The following ZNF248 variants were observed in gnomAD, a reference collection of about 807,000 sequenced individuals.
The protein encoded by ZNF248 is zinc finger protein 248.
Under a neutral mutation model 44.3 loss-of-function variants are expected in ZNF248, and 20 were observed. The observed-to-expected ratio is 0.45, with a 90% CI of 0.32 to 0.66. The LOEUF is 0.66. Ranked by LOEUF, ZNF248 falls within the 30% of genes least tolerant of loss-of-function variation. The pLI is 0.04. For synonymous variants in ZNF248, 224 were observed against 229.0 expected (o/e 0.98, Z 0.20); for missense variants, 654 against 677.0 (o/e 0.97, Z 0.38).
In ZNF248 at chr10:37,831,449, C is replaced by T; in HGVS notation, c.*166G>A. ...ATATTACTTAGATGAATAGAATTCC[C>T]CTCAGTACAAATTTTCTAATGAAAA... On this transcript the variant is annotated 3_prime_UTR_variant, in exon 6 of 6. Transcript: ENST00000395867. 6.8e-7 allele frequency: 1 copy of T among 1,463,782 alleles called. No homozygotes were observed. Among genetic ancestry groups the T allele is most frequent in the Non-Finnish European group, 9.0e-7 (1 of 1,108,872 alleles). 90.7% of individuals were successfully genotyped at this position (1,463,782 alleles called of 1,614,324 possible). A position where few individuals can be genotyped will look rare whatever the true frequency, so the allele number is the denominator to read the frequency against.
chr10:37,789,834 C>G (rs2048295153), intron 6 of ZNF248, among the ~76,000 whole-genome samples: 1 of 152,138 alleles, frequency 6.6e-6, no homozygotes. Context: ...AATATTTGCT[C>G]TGGACTAGAA....
chr10:37,835,972 A>G (rs2057079360), intron 5 of ZNF248, among the ~76,000 whole-genome samples: 1 of 152,200 alleles, frequency 6.6e-6, no homozygotes, highest in South Asian at 2.1e-4. Flanking sequence ...AATCTGTGAT[A>G]ACTCCCTTAT....
chr10:37,782,762 T>G (rs2047458338), intron 6 of ZNF248, among the ~76,000 whole-genome samples: 1 of 152,114 alleles, frequency 6.6e-6, no homozygotes, highest in African/African-American at 2.4e-5. Flanking sequence ...AGCTAAGCAT[T>G]GCCAGCAACA....
At chr10:37,826,231 CA>C (rs1232635539), downstream of ZNF248, among the ~76,000 whole-genome samples, 2 of 151,942 alleles carry the variant, frequency 1.3e-5, no homozygotes, top group Admixed American at 6.6e-5. Context: ...TAATATAAAC[CA>C]AAAGTCCCTG....
At chr10:37,815,683 G>A (rs2052334455) in intron 6 of ZNF248, among the ~76,000 whole-genome samples, 1 of 151,410 alleles carries the variant, frequency 6.6e-6, no homozygotes, top group Non-Finnish European at 1.5e-5. Flanking sequence ...TTGTTTCTTT[G>A]TTCATCTTTT....
At chr10:37,819,839 C>T (rs2053166361) in intron 6 of ZNF248, 6 of 786,544 alleles carry the variant, frequency 7.6e-6, no homozygotes, top group East Asian at 2.4e-5. Context: ...TAACATTTTC[C>T]GTTGTCTATC....
At chr10:37,765,239 G>C in the ZNF248 span, among the ~76,000 whole-genome samples, 15 of 152,260 alleles carry the variant, frequency 9.9e-5, no homozygotes, top group Admixed American at 9.8e-4. Context: ...TTATAGGTGT[G>C]AGCCACTGAG....
intron 6 of ZNF248, chr10:37,791,495 TTC>T (rs1424312496): frequency 6.6e-6 from 1 of 152,204 alleles, no homozygotes; most frequent in African/African-American, 2.4e-5. Flanking sequence ...ATGGGACTTT[TTC>T]TGTTTTTCAT....
downstream of ZNF248, among the ~76,000 whole-genome samples, chr10:37,825,106 A>G (rs141306307): frequency 1.4e-4 from 21 of 152,264 alleles, no homozygotes; most frequent in East Asian, 4.1e-3. Context: ...GTTGTTCATA[A>G]AGTGAAAAAA....
At chr10:37,837,518 A>T in intron 5 of ZNF248, 99 bp downstream of exon 5, 1 of 970,512 alleles carries the variant, frequency 1.0e-6, no homozygotes. Flanking sequence ...GGCTAAAAAG[A>T]GACATTTGTG....
downstream of ZNF248, among the ~76,000 whole-genome samples, chr10:37,823,853 C>T (rs538992214): frequency 3.9e-5 from 6 of 152,032 alleles, no homozygotes; most frequent in East Asian, 9.7e-4. Flanking sequence ...GGATTACAGA[C>T]GTGAGCCACC....
downstream of ZNF248, among the ~76,000 whole-genome samples, chr10:37,774,735 A>G (rs926813447): frequency 1.3e-5 from 2 of 152,130 alleles, no homozygotes; most frequent in African/African-American, 4.8e-5. Context: ...ATTTTCTTAG[A>G]CTTCAGGCCA....
chr10:37,759,245 G>C, the ZNF248 span, among the ~76,000 whole-genome samples: 1 of 152,150 alleles, frequency 6.6e-6, no homozygotes, highest in African/African-American at 2.4e-5. Flanking sequence ...GGTGTTTGGG[G>C]GCAGTCTGAG....
chr10:37,817,882 G>T lies in ZNF248; in HGVS notation c.330+15143C>A, dbSNP rs1043970135. Among the ~76,000 whole-genome samples the T allele has an allele frequency of 2.6e-5, 4 of 151,994 alleles. No individual in the cohort carries two copies. The East Asian group carries it at 7.7e-4, about 29-fold the overall frequency. On this transcript the variant is annotated intron_variant, in intron 6 of 6. Transcript: ENST00000615949. ...AAGTCTAAATATAGACACTGGACTA[G>T]CCTAGTCTGTATTTTCTTTTTTATT... is the stretch of plus-strand genomic sequence containing the variant.
Position 37,832,776 on chromosome 10 carries a change from A to G in ZNF248, c.579T>C (p.Asp193=), listed in dbSNP as rs574822855. ...GATAATTAATGGCATTCCTTTTTTGATCATATTTATAAGACTTCTCTCCAA... is the reference window on the plus strand; with the variant it reads ...GATAATTAATGGCATTCCTTTTTTGGTCATATTTATAAGACTTCTCTCCAA... ...IPIGEKSYKY[D]QKRNAINYHQ... Residue 193 remains aspartate, a synonymous_variant, in exon 6 of 6, where the codon GAT becomes GAC. Transcript: ENST00000395867. The G allele has an allele frequency of 1.9e-6, 3 of 1,613,496 alleles. No homozygotes were observed. Among genetic ancestry groups the G allele is most frequent in the South Asian group, 2.2e-5 (2 of 91,060 alleles).
At position 37,832,885 on chromosome 10, in the gene ZNF248, T is replaced by C. The variant is rs2056202027; in HGVS notation, c.470A>G (p.Lys157Arg). 5 of 1,613,372 alleles carry C rather than the reference T, an allele frequency of 3.1e-6. No individual in the cohort carries two copies. The highest frequency in any genetic ancestry group is 1.3e-5 in the African/African-American group (1 of 74,886). ...AGGCTTCTTTCTGGAACAGTTCTTT[T>C]TACTAATAATTAAGCCCGAAATATT... ...LKNISGLIIS[K>R]KNCSRKKPDE... Residue 157 changes from lysine (K) to arginine (R), a missense_variant, in exon 6 of 6, where the codon AAA becomes AGA. By Grantham distance (26) the Lys-to-Arg change is conservative. Coordinates refer to ENST00000395867, the MANE Select transcript of ZNF248 (RefSeq NM_021045.3).
downstream of ZNF248, among the ~76,000 whole-genome samples, chr10:37,826,884 A>C (rs2054468881): frequency 6.6e-6 from 1 of 152,232 alleles, no homozygotes; most frequent in Non-Finnish European, 1.5e-5. Context: ...ACTCCAGTGT[A>C]TTATAAATTC....
intron 6 of ZNF248, among the ~76,000 whole-genome samples, chr10:37,778,713 A>T (rs560332806): frequency 4.6e-5 from 7 of 152,164 alleles, no homozygotes; most frequent in African/African-American, 1.4e-4. Flanking sequence ...CTTCAAAAAA[A>T]TTAATGAATC....
the ZNF248 span, among the ~76,000 whole-genome samples, chr10:37,763,243 G>T: frequency 3.9e-5 from 6 of 152,222 alleles, no homozygotes; most frequent in South Asian, 2.1e-4. Context: ...GAGATAGCAA[G>T]AAAGAGGGGA....
Sources: allele counts gnomAD v4.1 joint callset (sites outside exome capture counted in the v4.1 genomes callset), GRCh38; gene constraint gnomAD v4.1.1; transcripts MANE v1.5; gene names NCBI Gene and HGNC (gene_info 2026-07-23, HGNC 2026-07-21).